Variants in LSAMP observed in about 807,000 individuals in gnomAD.
The protein encoded by LSAMP is limbic system associated membrane protein.
A neutral mutation model predicts 38.6 loss-of-function variants in LSAMP; 7 were observed. That is an observed-to-expected ratio of 0.18 (90% CI 0.10 to 0.34). The LOEUF is 0.34. LSAMP is among the 10% of genes least tolerant of loss of function. LSAMP has a pLI of 1.00. For missense variants in LSAMP, 313 were observed against 420.0 expected (o/e 0.75, Z 2.23); for synonymous variants, 154 against 166.8 (o/e 0.92, Z 0.59).
intron 1 of LSAMP, among the ~76,000 whole-genome samples, chr3:116,287,565 AG>A (rs1231386496): frequency 1.3e-5 from 2 of 152,216 alleles, no homozygotes; most frequent in African/African-American, 4.8e-5. Context: ...TAAGACAAAA[AG>A]GTAAAGAGTA....
At chr3:116,169,152 T>C (rs549475736) in intron 1 of LSAMP, among the ~76,000 whole-genome samples, 2 of 152,242 alleles carry the variant, frequency 1.3e-5, no homozygotes, top group African/African-American at 4.8e-5. Context: ...TACAGGGAGC[T>C]ATGATCACGC....
intron 3 of LSAMP, among the ~76,000 whole-genome samples, chr3:115,976,694 T>C (rs1939197290): frequency 6.6e-6 from 1 of 152,136 alleles, no homozygotes; most frequent in African/African-American, 2.4e-5. Flanking sequence ...GATTGGATCA[T>C]GGGGGCGGAT....
intron 1 of LSAMP, among the ~76,000 whole-genome samples, chr3:116,267,450 A>G (rs929858525): frequency 1.3e-5 from 2 of 152,082 alleles, no homozygotes; most frequent in Non-Finnish European, 1.5e-5. Context: ...CCTTTACATC[A>G]GGAAGAACTA....
At chr3:115,839,972 G>A (rs922515622) in intron 6 of LSAMP, among the ~76,000 whole-genome samples, 1 of 152,174 alleles carries the variant, frequency 6.6e-6, no homozygotes, top group African/African-American at 2.4e-5. Context: ...ATTGTAGGGC[G>A]TGATGTTACC....
intron 6 of LSAMP, among the ~76,000 whole-genome samples, chr3:115,811,114 G>T (rs1165756491): frequency 6.6e-6 from 1 of 152,184 alleles, no homozygotes; most frequent in African/African-American, 2.4e-5. Flanking sequence ...ACCTAGAGAG[G>T]TTGAGAGGCA....
chr3:115,829,693 CTG>C (rs141284416), intron 6 of LSAMP, among the ~76,000 whole-genome samples: 2,346 of 152,254 alleles, frequency 0.015, 22 homozygotes, highest in African/African-American at 0.024. Flanking sequence ...CAACCAGGAA[CTG>C]TGTGCAATTT....
chr3:115,957,654 G>A (rs2107588331), intron 3 of LSAMP, among the ~76,000 whole-genome samples: 1 of 152,298 alleles, frequency 6.6e-6, no homozygotes, highest in South Asian at 2.1e-4. Context: ...AGCCTCAAAT[G>A]CCCGCATGGT....
chr3:116,426,674 G>C (rs1002268364), intron 1 of LSAMP, among the ~76,000 whole-genome samples: 1 of 152,026 alleles, frequency 6.6e-6, no homozygotes, highest in African/African-American at 2.4e-5. Flanking sequence ...GCACAATAGG[G>C]AAACCAAATC....
chr3:116,213,095 T>C (rs1416670330), intron 1 of LSAMP, among the ~76,000 whole-genome samples: 1 of 152,206 alleles, frequency 6.6e-6, no homozygotes, highest in Non-Finnish European at 1.5e-5. Flanking sequence ...TATAAATAAA[T>C]ATCCAGAGGT....
rs199678760 is a variant in LSAMP, at chr3:116,145,862, A to G, written c.156-59306T>C. Among the ~76,000 whole-genome samples the G allele has an allele frequency of 7.2e-5, 11 of 152,016 alleles. No homozygotes were observed. In the East Asian group the frequency reaches 1.2e-3, roughly 16 times the overall value. On this transcript the variant is annotated intron_variant, in intron 1 of 6. Transcript: ENST00000490035. ...GTCTAATCTGTAGTTGAATTTTTGCATAGATTTTTTAATTGTATTGACTAC... is the reference window on the plus strand; with the variant it reads ...GTCTAATCTGTAGTTGAATTTTTGCGTAGATTTTTTAATTGTATTGACTAC...
intron 1 of LSAMP, among the ~76,000 whole-genome samples, chr3:116,143,388 CCTA>C (rs1456832822): frequency 6.6e-6 from 1 of 151,718 alleles, no homozygotes; most frequent in African/African-American, 2.4e-5. Context: ...ATTAATAAGA[CCTA>C]CTACTTAATA....
intron 2 of LSAMP, among the ~76,000 whole-genome samples, chr3:116,054,510 A>G (rs1941454155): frequency 6.6e-6 from 1 of 152,138 alleles, no homozygotes; most frequent in Non-Finnish European, 1.5e-5. Flanking sequence ...GACATCTTCT[A>G]GGTTTCAGCC....
chr3:116,065,480 G>A (rs1707405999), intron 2 of LSAMP, among the ~76,000 whole-genome samples: 1 of 152,138 alleles, frequency 6.6e-6, no homozygotes, highest in Non-Finnish European at 1.5e-5. Context: ...GTACTAGAGG[G>A]CTATACTTGG....
chr3:116,289,024 A>G (rs1481447132), intron 1 of LSAMP, among the ~76,000 whole-genome samples: 1 of 152,174 alleles, frequency 6.6e-6, no homozygotes, highest in African/African-American at 2.4e-5. Context: ...GTTACAATAC[A>G]GTGCACACTT....
intron 3 of LSAMP, among the ~76,000 whole-genome samples, chr3:116,018,380 G>C (rs888412561): frequency 3.3e-5 from 5 of 151,966 alleles, no homozygotes; most frequent in Non-Finnish European, 7.4e-5. Context: ...ATACTATCCT[G>C]GTCTTTTAGA....
chr3:116,128,420 C>T (rs1433498274), intron 1 of LSAMP, among the ~76,000 whole-genome samples: 1 of 152,146 alleles, frequency 6.6e-6, no homozygotes, highest in Non-Finnish European at 1.5e-5. Flanking sequence ...GTTGGTAGAA[C>T]AATTTCTCCC....
At chr3:115,999,504 G>C (rs144296379) in intron 3 of LSAMP, among the ~76,000 whole-genome samples, 1 of 152,280 alleles carries the variant, frequency 6.6e-6, no homozygotes, top group African/African-American at 2.4e-5. Flanking sequence ...CTAAATTAAA[G>C]AGCCTGGTTT....
At position 116,293,294 on chromosome 3, in the gene LSAMP, T is replaced by C. The variant is rs906921539; in HGVS notation, c.155+151583A>G. 5.9e-5 allele frequency among the ~76,000 whole-genome samples: 9 copies of C among 152,338 alleles called. 2 individuals carry two copies. In the South Asian group the frequency reaches 1.2e-3, roughly 21 times the overall value. On this transcript the variant is annotated intron_variant, in intron 1 of 6. Coordinates refer to ENST00000490035, the MANE Select transcript of LSAMP (RefSeq NM_002338.5). The stretch of plus-strand genomic sequence containing the variant: ...GATATCCCTTCATTTTAAATTCTAA[T>C]GGTGGGCATCAGTTGTCCTGAAGAT...
chr3:116,366,421 T>A (rs1456490347), intron 1 of LSAMP, among the ~76,000 whole-genome samples: 1 of 152,144 alleles, frequency 6.6e-6, no homozygotes, highest in South Asian at 2.1e-4. Context: ...GCAATGAGAA[T>A]CAGTGTATTT....
Sources: allele counts gnomAD v4.1 joint callset (sites outside exome capture counted in the v4.1 genomes callset), GRCh38; gene constraint gnomAD v4.1.1; transcripts MANE v1.5; gene names NCBI Gene and HGNC (gene_info 2026-07-23, HGNC 2026-07-21).